PLEKHH2: variants seen among roughly 807,000 people sequenced by gnomAD.
PLEKHH2 encodes pleckstrin homology domain-containing family H member 2.
Under a neutral mutation model 187.9 loss-of-function variants are expected in PLEKHH2, and 129 were observed. The observed-to-expected ratio is 0.69, with a 90% CI of 0.59 to 0.79. The LOEUF (loss-of-function observed/expected upper bound fraction) is 0.79, where lower values mean the gene tolerates loss of function less well. Ranked by LOEUF, PLEKHH2 falls within the 30% of genes least tolerant of loss-of-function variation. PLEKHH2 has a pLI of 0.00. For synonymous variants in PLEKHH2, 686 were observed against 605.6 expected (o/e 1.13, Z -1.95); for missense variants, 2,076 against 1,751.2 (o/e 1.19, Z -3.31).
chr2:43,724,388 A>T (rs910682504), intron 16 of PLEKHH2, among the ~76,000 whole-genome samples: 1 of 152,216 alleles, frequency 6.6e-6, no homozygotes, highest in Non-Finnish European at 1.5e-5. Context: ...TCCAATTGCA[A>T]ACTTGGCCAA....
intron 16 of PLEKHH2, among the ~76,000 whole-genome samples, chr2:43,725,352 CTTA>C (rs1192285891): frequency 6.6e-6 from 1 of 152,122 alleles, no homozygotes; most frequent in Non-Finnish European, 1.5e-5. Flanking sequence ...AAAGAATGTG[CTTA>C]TTAAGGCCCA....
intron 18 of PLEKHH2, 70 bp downstream of exon 18, chr2:43,729,815 G>C: frequency 1.9e-6 from 2 of 1,046,768 alleles, no homozygotes; most frequent in South Asian, 2.0e-5. Flanking sequence ...TAGCCTAATG[G>C]AGTTTTCACT....
At chr2:43,756,971 T>G (rs2104621406) in intron 25 of PLEKHH2, 148 bp from the exon 26 acceptor site, 1 of 525,652 alleles carries the variant, frequency 1.9e-6, no homozygotes, top group Middle Eastern at 5.6e-4. Flanking sequence ...TTCCTACATA[T>G]GATTATGAAG....
In PLEKHH2 at chr2:43,767,784, T is replaced by C. The variant is rs1367707237; in HGVS notation, c.*2186T>C. The C allele has an allele frequency of 1.3e-5, 2 of 152,796 alleles. No homozygotes were observed. Among genetic ancestry groups the C allele is most frequent in the African/African-American group, 4.8e-5 (2 of 41,458 alleles). 9.5% of individuals were successfully genotyped at this position (152,796 alleles called of 1,614,324 possible). A position where few individuals can be genotyped will look rare whatever the true frequency, so the allele number is the denominator to read the frequency against. ...GCATTTATTTTTGATAGAGCAGAGATAAAATATTTTGATGGAAGGAAATCA... is the reference window on the plus strand; with the variant it reads ...GCATTTATTTTTGATAGAGCAGAGACAAAATATTTTGATGGAAGGAAATCA... On this transcript the variant is annotated 3_prime_UTR_variant, in exon 30 of 30. Transcript: ENST00000282406.
chr2:43,640,183 C>T (rs927777976), intron 1 of PLEKHH2, among the ~76,000 whole-genome samples: 2 of 150,668 alleles, frequency 1.3e-5, no homozygotes, highest in African/African-American at 2.5e-5. Context: ...TAAAGTTACT[C>T]CAATAACTTG....
At chr2:43,681,695 C>T (rs990286334) in intron 3 of PLEKHH2, 2 of 541,382 alleles carry the variant, frequency 3.7e-6, no homozygotes, top group East Asian at 3.2e-5. Flanking sequence ...CTCCATCAGG[C>T]CACTGAGGGC....
chr2:43,729,602 G>T (rs776403320), intron 17 of PLEKHH2, 35 bp from the exon 18 acceptor site: 5 of 1,382,170 alleles, frequency 3.6e-6, no homozygotes, highest in South Asian at 1.5e-5. Flanking sequence ...TCAAAACTGT[G>T]TCTTAACATT....
chr2:43,640,428 G>A (rs985005612), intron 1 of PLEKHH2, among the ~76,000 whole-genome samples: 1 of 152,042 alleles, frequency 6.6e-6, no homozygotes, highest in South Asian at 2.1e-4. Flanking sequence ...TGACCTCAGA[G>A]ATGAATTCTC....
chr2:43,668,913 T>G (rs1667359487), intron 2 of PLEKHH2, among the ~76,000 whole-genome samples: 1 of 152,214 alleles, frequency 6.6e-6, no homozygotes, highest in Non-Finnish European at 1.5e-5. Context: ...TACCCATCCC[T>G]GATATTATGC....
chr2:43,666,599 A>G (rs1435108480), intron 2 of PLEKHH2, among the ~76,000 whole-genome samples: 3 of 152,232 alleles, frequency 2.0e-5, no homozygotes, highest in Admixed American at 1.3e-4. Flanking sequence ...CTTGCTCTGC[A>G]GTTTTACCAC....
intron 27 of PLEKHH2, 72 bp from the exon 28 acceptor site, chr2:43,762,232 C>A: frequency 8.6e-7 from 1 of 1,164,068 alleles, no homozygotes; most frequent in Non-Finnish European, 1.3e-6. Context: ...TGTTACATGA[C>A]ATTTAGACTG....
chr2:43,732,200 C>A (rs1671078598), intron 19 of PLEKHH2, among the ~76,000 whole-genome samples: 1 of 152,012 alleles, frequency 6.6e-6, no homozygotes, highest in South Asian at 2.1e-4. Flanking sequence ...CCCATCTCTA[C>A]TAAAAACACA....
At chr2:43,744,881 A>AAAG (rs1229904451) in intron 23 of PLEKHH2, among the ~76,000 whole-genome samples, 1 of 150,708 alleles carries the variant, frequency 6.6e-6, no homozygotes, top group African/African-American at 2.5e-5. Flanking sequence ...AAAAAAAAAA[A>AAAG]AAAAAAGAAA....
At chr2:43,707,960 A>G (rs978037276) in intron 11 of PLEKHH2, among the ~76,000 whole-genome samples, 1 of 152,238 alleles carries the variant, frequency 6.6e-6, no homozygotes, top group East Asian at 1.9e-4. Flanking sequence ...TACTTGGAAT[A>G]TGTCTATGAT....
At chr2:43,651,422 T>G (rs1217026102) in intron 2 of PLEKHH2, among the ~76,000 whole-genome samples, 1 of 152,224 alleles carries the variant, frequency 6.6e-6, no homozygotes, top group Non-Finnish European at 1.5e-5. Context: ...TGTTTCTTTC[T>G]GTGATAAGTT....
At chr2:43,711,893 CAA>C (rs58170865) in intron 14 of PLEKHH2, 25,916 of 826,704 alleles carry the variant, frequency 0.031, 41 homozygotes, top group Non-Finnish European at 0.033. Flanking sequence ...GACTCTGTCT[CAA>C]AAAAAAAAAA....
At chr2:43,666,316 C>T (rs1333798732) in intron 2 of PLEKHH2, among the ~76,000 whole-genome samples, 3 of 151,474 alleles carry the variant, frequency 2.0e-5, no homozygotes, top group South Asian at 2.1e-4. Context: ...AAGGCAATGC[C>T]TCGCCCTGCT....
intron 24 of PLEKHH2, among the ~76,000 whole-genome samples, chr2:43,748,497 C>T (rs945094831): frequency 6.6e-6 from 1 of 152,206 alleles, no homozygotes; most frequent in Non-Finnish European, 1.5e-5. Context: ...ACACTAGCAG[C>T]CTCAGGACCA....
At chr2:43,676,411 C>T in intron 2 of PLEKHH2, 4 of 1,101,354 alleles carry the variant, frequency 3.6e-6, no homozygotes, top group Non-Finnish European at 5.1e-6. Flanking sequence ...GGCGGCTGCG[C>T]TCCCGGTTGG....
Sources: gnomAD v4.1 joint callset for allele counts (sites outside exome capture counted in the v4.1 genomes callset) on GRCh38, gnomAD v4.1.1 for gene constraint, MANE v1.5 for transcripts, NCBI Gene and HGNC (gene_info 2026-07-23, HGNC 2026-07-21) for gene names.